EIF3A: variants seen among roughly 807,000 people sequenced by gnomAD.
The protein encoded by EIF3A is EIF3, p180 subunit.
In EIF3A, 21 loss-of-function variants were observed where a neutral mutation model predicts 186.6. That is an observed-to-expected ratio of 0.11 (90% CI 0.08 to 0.16). The LOEUF is 0.16. Ranked by LOEUF, EIF3A falls within the 10% of genes least tolerant of loss-of-function variation. EIF3A has a pLI of 1.00. For synonymous variants in EIF3A, 563 were observed against 584.3 expected (o/e 0.96, Z 0.52); for missense variants, 1,306 against 1,796.3 (o/e 0.73, Z 4.93).
intron 1 of EIF3A, among the ~76,000 whole-genome samples, chr10:119,079,571 T>G (rs534831648): frequency 3.3e-5 from 5 of 151,076 alleles, no homozygotes; most frequent in Non-Finnish European, 7.4e-5. Flanking sequence ...ATTAGAAAAA[T>G]TGTCCGGTTA....
chr10:119,074,652 G>C (rs1167576859), intron 1 of EIF3A, among the ~76,000 whole-genome samples: 5 of 150,894 alleles, frequency 3.3e-5, no homozygotes, highest in African/African-American at 1.2e-4. Flanking sequence ...AGAAAAATGG[G>C]GCCGGGAGCG....
chr10:119,060,143 A>G (rs779466706), intron 9 of EIF3A: 6 of 499,278 alleles, frequency 1.2e-5, no homozygotes, highest in African/African-American at 2.0e-5. Flanking sequence ...GTGCACAAAT[A>G]CTGAGATGAA....
At chr10:119,057,474 A>G (rs1170037000) in intron 12 of EIF3A, among the ~76,000 whole-genome samples, 8 of 152,188 alleles carry the variant, frequency 5.3e-5, no homozygotes, top group Non-Finnish European at 1.2e-4. Context: ...GGCTATGTGT[A>G]TAAGGTGTCT....
At chr10:119,063,216 G>A (rs956316326) in intron 7 of EIF3A, among the ~76,000 whole-genome samples, 4 of 151,614 alleles carry the variant, frequency 2.6e-5, no homozygotes, top group Non-Finnish European at 4.4e-5. Flanking sequence ...GTCCTACATC[G>A]GCCCCATAAA....
At chr10:119,041,787 A>G (rs1848211970) in intron 19 of EIF3A, among the ~76,000 whole-genome samples, 1 of 152,226 alleles carries the variant, frequency 6.6e-6, no homozygotes, top group African/African-American at 2.4e-5. Context: ...GCACATCACT[A>G]AAGAAGAGAG....
At chr10:119,070,084 T>C (rs756368342) in intron 5 of EIF3A, among the ~76,000 whole-genome samples, 18 of 151,524 alleles carry the variant, frequency 1.2e-4, no homozygotes, top group Non-Finnish European at 1.6e-4. Context: ...GGTGTCCCTA[T>C]AGAAAAGGAA....
In EIF3A at chr10:119,073,061, G is replaced by A. The variant is rs143854254; in HGVS notation, c.378-8C>T. ...ACAGCACTTAGGAGAACACTACAAAGAAAAAAATGTTGAAAACAATTTTAG... is the reference window on the plus strand; with the variant it reads ...ACAGCACTTAGGAGAACACTACAAAAAAAAAAATGTTGAAAACAATTTTAG... On this transcript the variant is annotated splice_region_variant and splice_polypyrimidine_tract_variant and intron_variant, in intron 3 of 21. Transcript: ENST00000369144. 5 of 1,585,616 alleles carry A rather than the reference G, an allele frequency of 3.2e-6. No individual in the cohort carries two copies. The Admixed American group carries it at 5.9e-5, about 19-fold the overall frequency.
chr10:119,074,457 T>A lies in EIF3A; in HGVS notation c.50-520A>T, dbSNP rs535730168. On this transcript the variant is annotated intron_variant, in intron 1 of 21. Coordinates refer to ENST00000369144, the MANE Select transcript of EIF3A (RefSeq NM_003750.4). Reference sequence around the variant, plus strand: ...TCCAGCCTGGGTGACAAGAGCGAAATTCCGTGTCTCAAAAAAAAAAAATAA... The same window carrying A: ...TCCAGCCTGGGTGACAAGAGCGAAAATCCGTGTCTCAAAAAAAAAAAATAA... 2.6e-5 allele frequency among the ~76,000 whole-genome samples: 3 copies of A among 116,182 alleles called. No individual in the cohort carries two copies. The South Asian group carries it at 1.0e-3, about 39-fold the overall frequency. The allele number at this position is 116,182 out of a possible 152,430, so 76.2% of individuals were successfully genotyped here. A position where few individuals can be genotyped will look rare whatever the true frequency, so the allele number is the denominator to read the frequency against.
chr10:119,052,845 G>C (rs1271328484), intron 14 of EIF3A, among the ~76,000 whole-genome samples: 2 of 152,122 alleles, frequency 1.3e-5, no homozygotes, highest in East Asian at 3.8e-4. Flanking sequence ...ATGGCATCTG[G>C]AATAAAGAAT....
In EIF3A at chr10:119,059,472, T is replaced by C. The variant is rs1343667838; in HGVS notation, c.1444-75A>G. The C allele has an allele frequency of 6.8e-6, 9 of 1,314,306 alleles. No individual in the cohort carries two copies. In the South Asian group the frequency reaches 9.6e-5, roughly 14 times the overall value. 81.4% of individuals were successfully genotyped at this position (1,314,306 alleles called of 1,614,324 possible). A position where few individuals can be genotyped will look rare whatever the true frequency, so the allele number is the denominator to read the frequency against. ...CAAAAAGTAACAGAAGAATGTCATATACAAAAGCTGGAAAAGTTCACTCAG... is the reference window on the plus strand; with the variant it reads ...CAAAAAGTAACAGAAGAATGTCATACACAAAAGCTGGAAAAGTTCACTCAG... On this transcript the variant is annotated intron_variant, in intron 10 of 21. Transcript: ENST00000369144.
Position 119,065,385 on chromosome 10 carries a change from AAATT to A in EIF3A, c.1122+10_1122+13del, listed in dbSNP as rs1223841094. 4.4e-5 allele frequency: 69 copies of A among 1,583,098 alleles called. No homozygotes were observed. The highest frequency in any genetic ancestry group is 5.0e-5 in the Non-Finnish European group (58 of 1,161,428). On this transcript the variant is annotated intron_variant, in intron 7 of 21. Transcript: ENST00000369144. ...TCTGCCCAAAGCTACAAAAATCCTC[AAATT>A]AATACTAACCATATCATTAATAAGG...
intron 7 of EIF3A, among the ~76,000 whole-genome samples, chr10:119,065,011 C>T (rs1159856990): frequency 6.6e-6 from 1 of 151,986 alleles, no homozygotes; most frequent in Non-Finnish European, 1.5e-5. Flanking sequence ...CACCCATCCT[C>T]GGGTATATAT....
intron 14 of EIF3A, among the ~76,000 whole-genome samples, chr10:119,055,578 T>C (rs945535502): frequency 6.6e-6 from 1 of 151,624 alleles, no homozygotes; most frequent in African/African-American, 2.4e-5. Context: ...AAAATAATAA[T>C]AATATGGGGG....
intron 1 of EIF3A, among the ~76,000 whole-genome samples, chr10:119,075,610 T>TA (rs1361570172): frequency 0.092 from 474 of 5,180 alleles, 25 homozygotes; most frequent in South Asian, 0.32. Flanking sequence ...AACACTACAC[T>TA]AAAAAAAAAA....
chr10:119,051,822 G>A (rs1347095078), intron 14 of EIF3A, among the ~76,000 whole-genome samples: 1 of 152,180 alleles, frequency 6.6e-6, no homozygotes, highest in Non-Finnish European at 1.5e-5. Context: ...CTTGAGCCCA[G>A]GAGTGCAAGA....
chr10:119,074,573 C>G (rs979362784), intron 1 of EIF3A, among the ~76,000 whole-genome samples: 1 of 151,882 alleles, frequency 6.6e-6, no homozygotes, highest in Non-Finnish European at 1.5e-5. Flanking sequence ...AAACTATGCA[C>G]TCTCTTTGCA....
rs1848353108 is a variant in EIF3A, at chr10:119,051,270, T to A, written c.2248A>T (p.Met750Leu). The change falls in exon 15 of 22, where the codon ATG (methionine) becomes TTG (leucine). Residue 750 changes from methionine to leucine, a missense_variant. Met to Leu is a conservative substitution (Grantham distance 15, BLOSUM62 2). Transcript: ENST00000369144. ...REKALEHKNR[M>L]SRMLEDRDLF... ...TCTCTGTCTTCAAGCATTCGTGACA[T>A]TCGATTCTTATGTTCAAGAGCCTTT... 1 of 1,611,628 alleles carries A rather than the reference T, an allele frequency of 6.2e-7. No homozygotes were observed. Among genetic ancestry groups the A allele is most frequent in the African/African-American group, 1.3e-5 (1 of 74,742 alleles).
Position 119,035,207 on chromosome 10 carries a change from AAAAG to A in EIF3A, c.*828_*831del, listed in dbSNP as rs911243672. 5 of 152,576 alleles carry A rather than the reference AAAAG, an allele frequency of 3.3e-5. No homozygotes were observed. Among genetic ancestry groups the A allele is most frequent in the African/African-American group, 1.2e-4 (5 of 41,516 alleles). The allele number at this position is 152,576 out of a possible 1,614,324, so 9.5% of individuals were successfully genotyped here. A position where few individuals can be genotyped will look rare whatever the true frequency, so the allele number is the denominator to read the frequency against. On this transcript the variant is annotated 3_prime_UTR_variant, in exon 22 of 22. Coordinates refer to ENST00000369144, the MANE Select transcript of EIF3A (RefSeq NM_003750.4). ...TTACTTGTTGAAAGAATCTATCTTCAAAAGAAAGAAAATTAGGAAAGAGAATTTA... is the reference window on the plus strand; with the variant it reads ...TTACTTGTTGAAAGAATCTATCTTCAAAAGAAAATTAGGAAAGAGAATTTA...
chr10:119,066,831 A>AAG (rs1188624890), intron 6 of EIF3A, among the ~76,000 whole-genome samples: 3 of 152,186 alleles, frequency 2.0e-5, no homozygotes, highest in African/African-American at 7.2e-5. Flanking sequence ...ATAATGTACT[A>AAG]AGAGCTAGAC....
Sources: gnomAD v4.1 joint callset for allele counts (sites outside exome capture counted in the v4.1 genomes callset) on GRCh38, gnomAD v4.1.1 for gene constraint, MANE v1.5 for transcripts, NCBI Gene and HGNC (gene_info 2026-07-23, HGNC 2026-07-21) for gene names.